Variants in CES4A observed in about 807,000 individuals in gnomAD.
CES4A encodes carboxylesterase 6.
In CES4A, 48 loss-of-function variants were observed where a neutral mutation model predicts 65.4. That is an observed-to-expected ratio of 0.73 (90% CI 0.58 to 0.93). The LOEUF (loss-of-function observed/expected upper bound fraction) is 0.93, where lower values mean the gene tolerates loss of function less well. CES4A is among the 40% of genes least tolerant of loss of function. The pLI, the probability that CES4A is intolerant of heterozygous loss-of-function variation, is 0.00. For synonymous variants in CES4A, 247 were observed against 281.8 expected (o/e 0.88, Z 1.24); for missense variants, 685 against 728.5 (o/e 0.94, Z 0.69).
chr16:67,006,803 C>T, exon 13 of CES4A: 1 of 1,614,116 alleles, frequency 6.2e-7, no homozygotes, highest in African/African-American at 1.3e-5. Context: ...ACTGGGCCAA[C>T]TTTGCCCGCA....
rs376205347 is a variant in CES4A, at chr16:67,000,408, G to T, written c.261-230G>T. On this transcript the variant is annotated intron_variant, in intron 2 of 13. Transcript: ENST00000648724. This position sits in a 1 kb window ranked among gnomAD's most constrained non-coding sequence, Gnocchi z 4.2. Reference sequence around the variant, plus strand: ...CAACAGGAGCAGGAATCTCTCCACGGACTGAGGCGCCGGGCAGGGAGGGGA... The same window carrying T: ...CAACAGGAGCAGGAATCTCTCCACGTACTGAGGCGCCGGGCAGGGAGGGGA... The T allele has an allele frequency of 7.5e-7, 1 of 1,333,878 alleles. No individual in the cohort carries two copies. The highest frequency in any genetic ancestry group is 2.8e-5 in the East Asian group (1 of 36,072). 82.6% of individuals were successfully genotyped at this position (1,333,878 alleles called of 1,614,324 possible).
chr16:67,001,349 A>G lies in CES4A; in HGVS notation c.578A>G (p.Asp193Gly). 1 of 1,613,198 alleles carries G rather than the reference A, an allele frequency of 6.2e-7. No homozygotes were observed. The highest frequency in any genetic ancestry group is 8.5e-7 in the Non-Finnish European group (1 of 1,179,688). Reference sequence around the variant, plus strand: ...GCGCGCGGGAACTGGGGGCTGCTGGACCAGATGGCGGCTCTGCGCTGGGTG... The same window carrying G: ...GCGCGCGGGAACTGGGGGCTGCTGGGCCAGATGGCGGCTCTGCGCTGGGTG... The change falls in exon 5 of 14, where the codon GAC (aspartate) becomes GGC (glycine). Residue 193 changes from aspartate to glycine, a missense_variant. Asp to Gly is a moderately conservative substitution (Grantham distance 94). Coordinates refer to ENST00000648724, the Ensembl canonical transcript of CES4A. This position sits in a 1 kb window ranked among gnomAD's most constrained non-coding sequence, Gnocchi z 4.1.
rs553126308 is a variant in CES4A, at chr16:67,006,732, A to G, written c.1445-13A>G. The G allele has an allele frequency of 6.2e-7, 1 of 1,613,758 alleles. No individual in the cohort carries two copies. Among genetic ancestry groups the G allele is most frequent in the East Asian group, 2.2e-5 (1 of 44,862 alleles). On this transcript the variant is annotated splice_polypyrimidine_tract_variant and intron_variant, in intron 12 of 13. Transcript: ENST00000648724. ...TGCTCTGTCCGAAATCCCACATCCC[A>G]TTCTGCCCCCAGGCCTTTCCATGGG... is the stretch of plus-strand genomic sequence containing the variant.
intron 1 of CES4A, among the ~76,000 whole-genome samples, chr16:66,990,802 A>G (rs1964328248): frequency 6.6e-6 from 1 of 151,994 alleles, no homozygotes; most frequent in Admixed American, 6.6e-5. Context: ...TTAAGTTATT[A>G]CCAAAAGCAG....
rs879578833 is a variant in CES4A, at chr16:67,000,608, G to A, written c.261-30G>A. 3 of 1,530,330 alleles carry A rather than the reference G, an allele frequency of 2.0e-6. No individual in the cohort carries two copies. Among genetic ancestry groups the A allele is most frequent in the South Asian group, 2.4e-5 (2 of 82,868 alleles). 94.8% of individuals were successfully genotyped at this position (1,530,330 alleles called of 1,614,324 possible). On this transcript the variant is annotated intron_variant, in intron 2 of 13. Transcript: ENST00000648724. This position sits in a 1 kb window ranked among gnomAD's most constrained non-coding sequence, Gnocchi z 4.2. ...GACCCTGGATTGAAACGATCTCCCC[G>A]CGGCCGCCGCCGCTACCTGGTGCCC...
chr16:67,004,230 T>G lies in CES4A; in HGVS notation c.1080+6T>G, dbSNP rs149997707. 5 of 1,613,880 alleles carry G rather than the reference T, an allele frequency of 3.1e-6. No individual in the cohort carries two copies. In the Admixed American group the frequency reaches 5.0e-5, roughly 16 times the overall value. ...TCAATTGGCTCTTGCCTTATGTAAG[T>G]GAGTAGGAGTTCAATTGGCTCTTGC... is the stretch of plus-strand genomic sequence containing the variant. On this transcript the variant is annotated splice_donor_region_variant and intron_variant, in intron 9 of 13. Transcript: ENST00000648724.
chr16:66,993,393 A>G (rs535708020), intron 1 of CES4A, among the ~76,000 whole-genome samples: 9 of 152,226 alleles, frequency 5.9e-5, no homozygotes, highest in Admixed American at 4.6e-4. Flanking sequence ...CCCAGGCTGG[A>G]GTGCAGTGGC....
At chr16:66,994,109 GAC>G (rs1964615350) in intron 1 of CES4A, among the ~76,000 whole-genome samples, 1 of 151,518 alleles carries the variant, frequency 6.6e-6, no homozygotes, top group Non-Finnish European at 1.5e-5. Context: ...TCAAAAAAAG[GAC>G]AGAGGTGTAG....
At chr16:67,005,366 A>G (rs1400118479) in exon 11 of CES4A, 36 of 1,613,974 alleles carry the variant, frequency 2.2e-5, no homozygotes, top group Non-Finnish European at 3.0e-5. Context: ...CGTGTATGCC[A>G]CACTGCAGAC....
At chr16:66,993,308 C>A in intron 1 of CES4A, among the ~76,000 whole-genome samples, 1 of 152,148 alleles carries the variant, frequency 6.6e-6, no homozygotes, top group Non-Finnish European at 1.5e-5. Flanking sequence ...TATGGACATG[C>A]ATTTTACTCT....
intron 10 of CES4A, 45 bp downstream of exon 10, chr16:67,004,918 A>ACCC: frequency 6.9e-7 from 1 of 1,451,718 alleles, no homozygotes; most frequent in Non-Finnish European, 9.3e-7. Flanking sequence ...GACAGGGTTG[A>ACCC]CCCCCCTGTT....
rs938370584 is a variant in CES4A, at chr16:67,001,769, A to G, written c.690+308A>G. ...TCCCCCAGAACTCTATCCCCTGAACAGAGCCCACCATCTGCCCCCTGGGCA... is the reference window on the plus strand; with the variant it reads ...TCCCCCAGAACTCTATCCCCTGAACGGAGCCCACCATCTGCCCCCTGGGCA... On this transcript the variant is annotated intron_variant, in intron 5 of 13. Transcript: ENST00000648724. The surrounding 1 kb of genome is among the most constrained non-coding windows in gnomAD (Gnocchi z 4.1). 6.6e-6 allele frequency among the ~76,000 whole-genome samples: 1 copy of G among 152,366 alleles called. No homozygotes were observed. Among genetic ancestry groups the G allele is most frequent in the South Asian group, 2.1e-4 (1 of 4,834 alleles).
In CES4A at chr16:67,003,323, T is replaced by C; in HGVS notation, c.863T>C (p.Leu288Pro). 1 of 1,614,134 alleles carries C rather than the reference T, an allele frequency of 6.2e-7. No individual in the cohort carries two copies. The highest frequency in any genetic ancestry group is 1.1e-5 in the South Asian group (1 of 91,080). Residue 288 changes from leucine (L) to proline (P), a missense_variant, in exon 7 of 14, where the codon CTA becomes CCA. Physicochemically the swap from Leu to Pro is moderately conservative, Grantham distance 98 (BLOSUM62 -3). Transcript: ENST00000648724. This position sits in a 1 kb window ranked among gnomAD's most constrained non-coding sequence, Gnocchi z 4.2. The stretch of plus-strand genomic sequence containing the variant: ...ATCCTGGTAAACTGCCTGAGGGCAC[T>C]ATCAGGGACCAAGGTGATGCGTGTG...
intron 5 of CES4A, among the ~76,000 whole-genome samples, chr16:67,002,697 C>T (rs1228214031): frequency 2.0e-5 from 3 of 152,146 alleles, no homozygotes; most frequent in South Asian, 4.1e-4. Flanking sequence ...TACTTGTTCC[C>T]CCAACTTGGG....
intron 11 of CES4A, chr16:67,005,687 A>C: frequency 3.4e-6 from 1 of 295,048 alleles, no homozygotes; most frequent in Non-Finnish European, 6.3e-6. Flanking sequence ...TCTCTACTAA[A>C]AGTACAAAAA....
intron 1 of CES4A, among the ~76,000 whole-genome samples, chr16:66,989,843 G>A (rs1459181149): frequency 5.3e-5 from 8 of 150,108 alleles, no homozygotes; most frequent in Admixed American, 1.3e-4. Flanking sequence ...CAACAAGAGC[G>A]AAACTCTATC....
chr16:67,008,937 GA>G (rs760660767), intron 13 of CES4A, 36 bp from the exon 14 acceptor site: 5 of 1,592,712 alleles, frequency 3.1e-6, no homozygotes, highest in Non-Finnish European at 3.4e-6. Flanking sequence ...GGATGAAAAG[GA>G]ACACAGGTAA....
At chr16:67,002,934 A>C in intron 5 of CES4A, 136 bp from the exon 6 acceptor site, 1 of 713,216 alleles carries the variant, frequency 1.4e-6, no homozygotes, top group Non-Finnish European at 2.5e-6. Context: ...TCACCCCAGG[A>C]CTCCTGACTC....
chr16:67,010,381 G>C (rs1966069175), downstream of CES4A, among the ~76,000 whole-genome samples: 1 of 151,062 alleles, frequency 6.6e-6, no homozygotes, highest in African/African-American at 2.4e-5. Context: ...GGGCTTTTTG[G>C]TGGTAAAATA....
Sources: gnomAD v4.1 joint callset for allele counts (sites outside exome capture counted in the v4.1 genomes callset) on GRCh38, gnomAD v4.1.1 for gene constraint, Gnocchi (gnomAD v3.1) non-coding constraint, MANE v1.5 for transcripts, NCBI Gene and HGNC (gene_info 2026-07-23, HGNC 2026-07-21) for gene names.